The following RAB5C variants were observed in gnomAD, a reference collection of about 807,000 sequenced individuals.
RAB5C encodes the protein ras-related protein Rab-5C.
A neutral mutation model predicts 25.2 loss-of-function variants in RAB5C; 4 were observed. The observed-to-expected ratio is 0.16, with a 90% confidence interval of 0.08 to 0.36. The LOEUF (loss-of-function observed/expected upper bound fraction) is 0.36. Ranked by LOEUF, RAB5C falls within the 10% of genes least tolerant of loss-of-function variation. The probability of loss-of-function intolerance (pLI) is 1.00; values close to 1 mark genes in which losing one functional copy is unlikely to be tolerated. For missense variants in RAB5C, 199 were observed against 283.8 expected, an observed-to-expected ratio of 0.70 and a Z score of 2.15; for synonymous variants, 100 against 106.4, an observed-to-expected ratio of 0.94 and a Z score of 0.37.
Position 42,126,719 on chromosome 17 carries a change from T to G in RAB5C, c.535+36A>C, listed in dbSNP as rs1468315615. 2.2e-6 allele frequency: 3 copies of G among 1,360,626 alleles called. No individual in the cohort carries two copies. In the African/African-American group the frequency reaches 4.4e-5, roughly 20 times the overall value. The allele number at this position is 1,360,626 out of a possible 1,614,324, so 84.3% of individuals were successfully genotyped here. Reference sequence around the variant, plus strand: ...CAGCAGACAGGTGATATGCCCTTGCTGTGGTGGAGAGAGGAGGGGAGGAGA... The same window carrying G: ...CAGCAGACAGGTGATATGCCCTTGCGGTGGTGGAGAGAGGAGGGGAGGAGA... On this transcript the variant is annotated intron_variant, in intron 5 of 5. Transcript: ENST00000346213.
chr17:42,152,596 T>G (rs1268536020), intron 1 of RAB5C, among the ~76,000 whole-genome samples: 2 of 151,830 alleles, frequency 1.3e-5, no homozygotes, highest in African/African-American at 4.8e-5. Flanking sequence ...CTGGCCAACA[T>G]GGTGAGACCC....
intron 1 of RAB5C, among the ~76,000 whole-genome samples, chr17:42,139,607 G>A (rs1320704244): frequency 1.3e-5 from 2 of 152,094 alleles, no homozygotes; most frequent in East Asian, 1.9e-4. Context: ...CTACATACGC[G>A]TGCCACCACA....
chr17:42,128,215 G>A (rs2054447637), intron 4 of RAB5C, 46 bp downstream of exon 4: 1 of 1,586,566 alleles, frequency 6.3e-7, no homozygotes, highest in South Asian at 1.1e-5. Context: ...GAGGCCGGGG[G>A]GAGCTGCTTA....
intron 1 of RAB5C, among the ~76,000 whole-genome samples, chr17:42,136,681 C>G (rs145037936): frequency 6.6e-6 from 1 of 152,280 alleles, no homozygotes; most frequent in African/African-American, 2.4e-5. Context: ...AGGTTTATTA[C>G]CCCAGAGGCT....
At chr17:42,131,524 CAAACACACACAG>C (rs1429026883) in intron 1 of RAB5C, 4 of 1,358,558 alleles carry the variant, frequency 2.9e-6, no homozygotes, top group Non-Finnish European at 4.0e-6. Flanking sequence ...CACACCGAAA[CAAACACACACAG>C]AAACACACAC....
chr17:42,142,657 T>C (rs2079610065), intron 1 of RAB5C, among the ~76,000 whole-genome samples: 1 of 152,134 alleles, frequency 6.6e-6, no homozygotes, highest in Non-Finnish European at 1.5e-5. Context: ...GAGCTATGAA[T>C]AGAAGGCAAA....
At chr17:42,153,404 A>G (rs1056170703) in intron 1 of RAB5C, among the ~76,000 whole-genome samples, 8 of 152,142 alleles carry the variant, frequency 5.3e-5, no homozygotes, top group Non-Finnish European at 8.8e-5. Flanking sequence ...GCGACAGAGC[A>G]AGACTCCATC....
At position 42,128,518 on chromosome 17, in the gene RAB5C, A is replaced by T. The variant is rs1449086812; in HGVS notation, c.318+131T>A. On this transcript the variant is annotated intron_variant, in intron 3 of 5. Transcript: ENST00000346213. Reference sequence around the variant, plus strand: ...CTAAAGATTCTGATGCAATGTCCCCAAACAGGAAATCTGCCCACCCCCCAC... The same window carrying T: ...CTAAAGATTCTGATGCAATGTCCCCTAACAGGAAATCTGCCCACCCCCCAC... 3.0e-6 allele frequency: 4 copies of T among 1,332,790 alleles called. No individual in the cohort carries two copies. The African/African-American group carries it at 6.0e-5, about 20-fold the overall frequency. 82.6% of individuals were successfully genotyped at this position (1,332,790 alleles called of 1,614,324 possible).
intron 1 of RAB5C, among the ~76,000 whole-genome samples, chr17:42,134,958 T>G (rs565242100): frequency 6.8e-4 from 11 of 16,154 alleles, no homozygotes; most frequent in Non-Finnish European, 1.2e-3. Flanking sequence ...TCAGTGGGTC[T>G]CAAATTCTTT....
At chr17:42,148,108 C>A (rs8071235) in intron 1 of RAB5C, among the ~76,000 whole-genome samples, 51,939 of 148,986 alleles carry the variant, frequency 0.35, 12,218 homozygotes, top group African/African-American at 0.68. Flanking sequence ...CAAAAACAAA[C>A]AAAAAAAAAG....
At chr17:42,147,325 A>C (rs1422144428) in intron 1 of RAB5C, among the ~76,000 whole-genome samples, 2 of 152,138 alleles carry the variant, frequency 1.3e-5, no homozygotes, top group Non-Finnish European at 2.9e-5. Context: ...TTTTTAAGCC[A>C]CCTTCACTCA....
At chr17:42,136,897 A>G (rs2054542012) in intron 1 of RAB5C, among the ~76,000 whole-genome samples, 1 of 152,206 alleles carries the variant, frequency 6.6e-6, no homozygotes, top group Admixed American at 6.5e-5. Flanking sequence ...GAATATTAAC[A>G]ATCTCATTAC....
At chr17:42,147,254 C>G (rs2079643656) in intron 1 of RAB5C, among the ~76,000 whole-genome samples, 1 of 152,166 alleles carries the variant, frequency 6.6e-6, no homozygotes, top group African/African-American at 2.4e-5. Flanking sequence ...AAGACCCCAT[C>G]TGTGGAATAC....
chr17:42,152,576 C>T (rs991284213), intron 1 of RAB5C, among the ~76,000 whole-genome samples: 1 of 151,888 alleles, frequency 6.6e-6, no homozygotes, highest in Non-Finnish European at 1.5e-5. Context: ...GTCAGGAGTT[C>T]GAGACCAGCC....
At chr17:42,144,858 C>T (rs1370609993) in intron 1 of RAB5C, among the ~76,000 whole-genome samples, 7 of 138,616 alleles carry the variant, frequency 5.0e-5, no homozygotes, top group East Asian at 2.3e-4. Context: ...ACCTGGGAGG[C>T]GGAGCTTGCA....
At chr17:42,135,200 G>A (rs997841634) in intron 1 of RAB5C, among the ~76,000 whole-genome samples, 13 of 151,234 alleles carry the variant, frequency 8.6e-5, no homozygotes, top group Admixed American at 7.2e-4. Context: ...GGCCAGGCTG[G>A]TATCAAACTC....
chr17:42,128,546 A>C (rs1463074582), intron 3 of RAB5C, 103 bp downstream of exon 3: 14 of 513,794 alleles, frequency 2.7e-5, no homozygotes, highest in Non-Finnish European at 3.7e-5. Flanking sequence ...CCCCCCACCC[A>C]GGAACAGAGG....
intron 5 of RAB5C, chr17:42,126,389 T>C (rs1042179426): frequency 1.7e-4 from 29 of 174,006 alleles, no homozygotes; most frequent in African/African-American, 6.2e-4. Context: ...TCCCAGCACT[T>C]TGGGAGGCCG....
At chr17:42,140,785 C>A (rs1342359010) in intron 1 of RAB5C, among the ~76,000 whole-genome samples, 1 of 152,000 alleles carries the variant, frequency 6.6e-6, no homozygotes, top group Non-Finnish European at 1.5e-5. Flanking sequence ...CTCAGCCTCC[C>A]AAAGTGTTGG....
Sources: allele counts gnomAD v4.1 joint callset (sites outside exome capture counted in the v4.1 genomes callset), GRCh38; gene constraint gnomAD v4.1.1; transcripts MANE v1.5; gene names NCBI Gene and HGNC (gene_info 2026-07-23, HGNC 2026-07-21).